The following BNC2 variants were observed in gnomAD, a reference collection of about 807,000 sequenced individuals.
BNC2 encodes the protein basonuclin zinc finger protein 2.
BNC2 carries 20 observed loss-of-function variants against 76.3 expected under a neutral mutation model. The observed-to-expected ratio is 0.26, with a 90% CI of 0.18 to 0.38. The LOEUF (loss-of-function observed/expected upper bound fraction) is 0.38. Among genes scored for constraint, BNC2 ranks in the 10% least tolerant of loss-of-function variants. The pLI is 1.00. For synonymous variants in BNC2, 582 were observed against 514.8 expected (o/e 1.13, Z -1.77); for missense variants, 1,382 against 1,399.8 (o/e 0.99, Z 0.20).
At chr9:16,691,062 G>C (rs1823145484) in intron 3 of BNC2, among the ~76,000 whole-genome samples, 1 of 152,114 alleles carries the variant, frequency 6.6e-6, no homozygotes, top group Non-Finnish European at 1.5e-5. Context: ...GAAATACCTT[G>C]TTTTTATACT....
At chr9:16,539,768 AGAAAG>A (rs762781150) in intron 5 of BNC2, among the ~76,000 whole-genome samples, 3,941 of 58,714 alleles carry the variant, frequency 0.067, 157 homozygotes, top group East Asian at 0.1. Flanking sequence ...GGAAAGGAAA[AGAAAG>A]GAAAGGAAAG....
intron 5 of BNC2, among the ~76,000 whole-genome samples, chr9:16,486,760 C>A (rs10962447): frequency 0.18 from 26,720 of 151,954 alleles, 4,674 homozygotes; most frequent in African/African-American, 0.43. Context: ...GGGTCTCACT[C>A]TGGTGCCCAG....
At chr9:16,754,963 C>G (rs180839015) in intron 1 of BNC2, among the ~76,000 whole-genome samples, 1 of 152,170 alleles carries the variant, frequency 6.6e-6, no homozygotes, top group Non-Finnish European at 1.5e-5. Context: ...TTCTTCCCAA[C>G]AAGATACTTC....
At chr9:16,722,999 T>TATA (rs1824207191) in intron 3 of BNC2, among the ~76,000 whole-genome samples, 1 of 152,196 alleles carries the variant, frequency 6.6e-6, no homozygotes, top group African/African-American at 2.4e-5. Flanking sequence ...TATATTTGAA[T>TATA]ATATGTCTAT....
intron 5 of BNC2, among the ~76,000 whole-genome samples, chr9:16,462,327 C>G (rs371610584): frequency 9.9e-4 from 150 of 152,280 alleles, no homozygotes; most frequent in African/African-American, 3.5e-3. Flanking sequence ...AAGAACAGCT[C>G]AGGAGCCATC....
In BNC2 at chr9:16,461,291, G is replaced by A. The variant is rs527377923; in HGVS notation, c.670-23767C>T. Among the ~76,000 whole-genome samples, 57 of 152,210 alleles carry A rather than the reference G, an allele frequency of 3.7e-4. 1 individual carries two copies. Among genetic ancestry groups the A allele is most frequent in the Non-Finnish European group, 2.2e-4 (15 of 68,024 alleles). ...TGTGTGTAAGAACAAGAATGTGCAC[G>A]TGTGGAGAAACCAGGCGCTTCCATG... On this transcript the variant is annotated intron_variant, in intron 5 of 6. Transcript: ENST00000380672.
At chr9:16,464,094 C>CA (rs1324549679) in intron 5 of BNC2, among the ~76,000 whole-genome samples, 1,828 of 33,198 alleles carry the variant, frequency 0.055, 30 homozygotes, top group South Asian at 0.081. Flanking sequence ...ACCCTGTCTC[C>CA]AAAAAAAAAA....
At chr9:16,438,798 C>T (rs1039412162) in intron 5 of BNC2, among the ~76,000 whole-genome samples, 17 of 152,092 alleles carry the variant, frequency 1.1e-4, no homozygotes, top group African/African-American at 3.9e-4. Flanking sequence ...GGGTGATCGA[C>T]GTTACCACCG....
intron 1 of BNC2, among the ~76,000 whole-genome samples, chr9:16,765,874 C>T (rs565191807): frequency 6.6e-6 from 1 of 151,864 alleles, no homozygotes; most frequent in Admixed American, 6.6e-5. Context: ...GCAAGCTCTG[C>T]CTCCCGGGTT....
At chr9:16,467,599 G>A (rs1451592358) in intron 5 of BNC2, among the ~76,000 whole-genome samples, 6 of 140,388 alleles carry the variant, frequency 4.3e-5, no homozygotes, top group Admixed American at 2.2e-4. Flanking sequence ...ACCAAACACC[G>A]CATATTCTCA....
intron 1 of BNC2, among the ~76,000 whole-genome samples, chr9:16,810,931 G>A (rs1383033557): frequency 1.3e-5 from 2 of 152,142 alleles, no homozygotes; most frequent in African/African-American, 4.8e-5. Context: ...TTAAAACAGT[G>A]TACAGGGGCC....
chr9:16,690,059 A>G (rs2026807), intron 3 of BNC2, among the ~76,000 whole-genome samples: 1,794 of 152,294 alleles, frequency 0.012, 38 homozygotes, highest in African/African-American at 0.04. Flanking sequence ...TCAGCCTACA[A>G]TTTAACTAGG....
intron 3 of BNC2, among the ~76,000 whole-genome samples, chr9:16,646,913 A>G (rs1001392876): frequency 1.3e-5 from 2 of 152,218 alleles, no homozygotes; most frequent in African/African-American, 4.8e-5. Context: ...CATAAGTTAC[A>G]TAAGGTTCCC....
chr9:16,485,770 C>T (rs1822151655), intron 5 of BNC2, among the ~76,000 whole-genome samples: 1 of 152,032 alleles, frequency 6.6e-6, no homozygotes, highest in African/African-American at 2.4e-5. Flanking sequence ...TACCACACCA[C>T]TGCACTCTAG....
chr9:16,459,547 A>G lies in BNC2; in HGVS notation c.670-22023T>C, dbSNP rs1035450362. On this transcript the variant is annotated intron_variant, in intron 5 of 6. Coordinates refer to ENST00000380672, the MANE Select transcript of BNC2 (RefSeq NM_017637.6). Reference sequence around the variant, plus strand: ...CCTATTTGTAAAAGTCCCTGATCCAAGAACATTACAATTCTCCACAGAAAC... The same window carrying G: ...CCTATTTGTAAAAGTCCCTGATCCAGGAACATTACAATTCTCCACAGAAAC... Among the ~76,000 whole-genome samples, 119 of 152,190 alleles carry G rather than the reference A, an allele frequency of 7.8e-4. 1 individual carries two copies. The highest frequency in any genetic ancestry group is 1.6e-4 in the Non-Finnish European group (11 of 68,038).
chr9:16,614,958 T>TTAAAAAAAAAAAAAAAAAAA (rs1820655766), intron 3 of BNC2, among the ~76,000 whole-genome samples: 1 of 62,526 alleles, frequency 1.6e-5, no homozygotes, highest in African/African-American at 6.6e-5. Flanking sequence ...TCTGTCTCTT[T>TTAAAAAAAAAAAAAAAAAAA]AAAAAAAAAA....
chr9:16,771,993 A>C (rs1338904578), intron 1 of BNC2, among the ~76,000 whole-genome samples: 1 of 152,208 alleles, frequency 6.6e-6, no homozygotes, highest in East Asian at 1.9e-4. Context: ...TGCATTATCT[A>C]CCAGATGTAA....
At chr9:16,788,283 G>T (rs537096990) in intron 1 of BNC2, among the ~76,000 whole-genome samples, 1 of 152,062 alleles carries the variant, frequency 6.6e-6, no homozygotes, top group Non-Finnish European at 1.5e-5. Flanking sequence ...GCCAGGCGCG[G>T]TGGCTCACGC....
chr9:16,453,132 T>A (rs1821377174), intron 5 of BNC2, among the ~76,000 whole-genome samples: 1 of 152,156 alleles, frequency 6.6e-6, no homozygotes, highest in Non-Finnish European at 1.5e-5. Flanking sequence ...GTACCTACAC[T>A]TTGCTGAGGC....
Sources: gnomAD v4.1 joint callset for allele counts (sites outside exome capture counted in the v4.1 genomes callset) on GRCh38, gnomAD v4.1.1 for gene constraint, MANE v1.5 for transcripts, NCBI Gene and HGNC (gene_info 2026-07-23, HGNC 2026-07-21) for gene names.